FRMD4A: variants seen among roughly 807,000 people sequenced by gnomAD.
The protein encoded by FRMD4A is FERM domain containing 4A.
Under a neutral mutation model 129.1 loss-of-function variants are expected in FRMD4A, and 29 were observed. That is an observed-to-expected ratio of 0.22 (90% CI 0.17 to 0.31). The LOEUF is 0.31. FRMD4A is among the 10% of genes least tolerant of loss of function. The pLI, the probability that FRMD4A is intolerant of heterozygous loss-of-function variation, is 1.00. For synonymous variants in FRMD4A, 634 were observed against 571.6 expected, an observed-to-expected ratio of 1.11 and a Z score of -1.56; for missense variants, 1,272 against 1,375.8, an observed-to-expected ratio of 0.92 and a Z score of 1.19.
In FRMD4A at chr10:13,656,856, G is replaced by T; in HGVS notation, c.2733C>A (p.Arg911=). The T allele has an allele frequency of 6.7e-7, 1 of 1,494,570 alleles. No individual in the cohort carries two copies. The allele number at this position is 1,494,570 out of a possible 1,614,324, so 92.6% of individuals were successfully genotyped here. Residue 911 remains arginine, a synonymous_variant, in exon 22 of 25, where the codon CGC becomes CGA. Transcript: ENST00000357447. ...SQILRTPSLG[R]EGAHDKGAGR... is the part of the protein sequence containing the mutation. ...CCGCGCCCTTGTCGTGGGCGCCCTC[G>T]CGGCCCAGCGACGGAGTCCGCAGGA...
chr10:14,300,790 C>T (rs1589282954), intron 2 of FRMD4A, among the ~76,000 whole-genome samples: 1 of 152,124 alleles, frequency 6.6e-6, no homozygotes, highest in East Asian at 1.9e-4. Flanking sequence ...AATGTTAGGT[C>T]GGAGGGGAGG....
At chr10:13,674,472 A>T (rs1332871992) in intron 16 of FRMD4A, among the ~76,000 whole-genome samples, 1 of 152,232 alleles carries the variant, frequency 6.6e-6, no homozygotes, top group African/African-American at 2.4e-5. Flanking sequence ...TGCTTCATCA[A>T]CCAATTCTTT....
intron 2 of FRMD4A, among the ~76,000 whole-genome samples, chr10:14,068,075 A>G (rs886938849): frequency 2.6e-5 from 4 of 152,242 alleles, no homozygotes; most frequent in Non-Finnish European, 4.4e-5. Flanking sequence ...AAATTAATCA[A>G]TGTGCTTTCT....
chr10:14,123,631 C>A (rs1838661650), intron 2 of FRMD4A, among the ~76,000 whole-genome samples: 1 of 152,136 alleles, frequency 6.6e-6, no homozygotes, highest in African/African-American at 2.4e-5. Context: ...ACACAAAGCC[C>A]TTCTTCAGTG....
At chr10:13,701,307 GGCCCGGGCT>G (rs758823800) in intron 14 of FRMD4A, 24 bp downstream of exon 14, 26 of 1,596,984 alleles carry the variant, frequency 1.6e-5, no homozygotes, top group Non-Finnish European at 2.2e-5. Flanking sequence ...GGCAGACAAT[GGCCCGGGCT>G]TGGTGAGAGG....
intron 2 of FRMD4A, among the ~76,000 whole-genome samples, chr10:14,185,605 AGACAGAAAGGGGATATATACTT>A (rs1842090126): frequency 7.1e-6 from 1 of 141,824 alleles, no homozygotes; most frequent in South Asian, 2.2e-4. Flanking sequence ...ACAGGTAGAG[AGACAGAAAGGGGATATATACTT>A]CATGGTCAGA....
intron 2 of FRMD4A, among the ~76,000 whole-genome samples, chr10:14,272,014 G>A (rs937647647): frequency 1.3e-5 from 2 of 151,366 alleles, no homozygotes; most frequent in Non-Finnish European, 2.9e-5. Context: ...TGGTTCTTTT[G>A]CCCAACCACA....
chr10:14,203,154 C>G (rs935637749), intron 2 of FRMD4A, among the ~76,000 whole-genome samples: 1 of 152,146 alleles, frequency 6.6e-6, no homozygotes, highest in African/African-American at 2.4e-5. Flanking sequence ...TACACATTCA[C>G]TGGCCTGCCT....
chr10:13,659,196 G>A (rs11258505), intron 21 of FRMD4A, 127 bp downstream of exon 21: 8 of 882,818 alleles, frequency 9.1e-6, no homozygotes, highest in South Asian at 5.9e-5. Flanking sequence ...TTTTTATTCC[G>A]CTTCATTTAT....
At chr10:13,888,096 T>C (rs1460404921) in intron 2 of FRMD4A, among the ~76,000 whole-genome samples, 1 of 152,194 alleles carries the variant, frequency 6.6e-6, no homozygotes, top group East Asian at 1.9e-4. Flanking sequence ...TTGTACCAAC[T>C]CTGGAGATGA....
chr10:14,259,242 G>A (rs138887278), intron 2 of FRMD4A, among the ~76,000 whole-genome samples: 4 of 152,252 alleles, frequency 2.6e-5, no homozygotes, highest in Non-Finnish European at 5.9e-5. Context: ...AGAATGACAT[G>A]TAAATGGTAA....
Position 13,974,805 on chromosome 10 carries a change from G to A in FRMD4A, c.46-115893C>T, listed in dbSNP as rs140314445. ...CTCTCCCAAAGTGCTGGGATTACAGGTGTGAGCCACTGCACCTGGCTCTGC... is the reference window on the plus strand; with the variant it reads ...CTCTCCCAAAGTGCTGGGATTACAGATGTGAGCCACTGCACCTGGCTCTGC... On this transcript the variant is annotated intron_variant, in intron 2 of 24. Coordinates refer to ENST00000357447, the MANE Select transcript of FRMD4A (RefSeq NM_018027.5). Among the ~76,000 whole-genome samples, 942 of 152,230 alleles carry A rather than the reference G, an allele frequency of 6.2e-3. 15 individuals carry two copies. Among genetic ancestry groups the A allele is most frequent in the African/African-American group, 0.021 (871 of 41,522 alleles).
intron 2 of FRMD4A, among the ~76,000 whole-genome samples, chr10:14,319,173 C>T (rs1397577077): frequency 6.6e-6 from 1 of 152,194 alleles, no homozygotes; most frequent in Non-Finnish European, 1.5e-5. Flanking sequence ...CCCCAGCCAT[C>T]AGCTCTTCCC....
chr10:13,788,895 G>C (rs2092930146), intron 5 of FRMD4A, among the ~76,000 whole-genome samples: 1 of 152,202 alleles, frequency 6.6e-6, no homozygotes, highest in Admixed American at 6.5e-5. Context: ...CAGATGGCAA[G>C]GGCCCAGCCA....
chr10:14,255,060 G>A (rs1233801508), intron 2 of FRMD4A, among the ~76,000 whole-genome samples: 1 of 152,164 alleles, frequency 6.6e-6, no homozygotes, highest in East Asian at 1.9e-4. Context: ...CTGTGGAGTA[G>A]GAGAAAAGGT....
chr10:13,931,535 C>A (rs2095194748), intron 2 of FRMD4A, among the ~76,000 whole-genome samples: 1 of 152,140 alleles, frequency 6.6e-6, no homozygotes, highest in African/African-American at 2.4e-5. Flanking sequence ...TCCTGACTCC[C>A]AGGGCTAGGT....
intron 2 of FRMD4A, among the ~76,000 whole-genome samples, chr10:14,323,709 T>G (rs1843154171): frequency 6.6e-6 from 1 of 152,202 alleles, no homozygotes; most frequent in South Asian, 2.1e-4. Context: ...GCCAGTTGAT[T>G]ACTTCCTTCC....
chr10:14,101,822 C>A (rs1188339859), intron 2 of FRMD4A, among the ~76,000 whole-genome samples: 1 of 152,156 alleles, frequency 6.6e-6, no homozygotes, highest in African/African-American at 2.4e-5. Flanking sequence ...CTTCACAGAG[C>A]AAAGCACAGA....
At chr10:14,050,128 C>T (rs1248272331) in intron 2 of FRMD4A, among the ~76,000 whole-genome samples, 3 of 152,192 alleles carry the variant, frequency 2.0e-5, no homozygotes, top group Non-Finnish European at 4.4e-5. Context: ...TAATGACATT[C>T]TTCTCACTGA....
Sources: allele counts gnomAD v4.1 joint callset (sites outside exome capture counted in the v4.1 genomes callset), GRCh38; gene constraint gnomAD v4.1.1; transcripts MANE v1.5; gene names NCBI Gene and HGNC (gene_info 2026-07-23, HGNC 2026-07-21).